The following OSBPL5 variants were observed in gnomAD, a reference collection of about 807,000 sequenced individuals.
OSBPL5 encodes oxysterol binding protein like 5.
In OSBPL5, 71 loss-of-function variants were observed where a neutral mutation model predicts 111.2. The ratio of observed to expected loss-of-function variants is 0.64; its 90% CI spans 0.53 to 0.78. The LOEUF is 0.78. Among genes scored for constraint, OSBPL5 ranks in the 30% least tolerant of loss-of-function variants. The pLI is 0.00. For synonymous variants in OSBPL5, 549 were observed against 513.9 expected (o/e 1.07, Z -0.93); for missense variants, 1,210 against 1,189.3 (o/e 1.02, Z -0.26).
At chr11:3,112,052 T>TGCATGTGTGTATGTGTGC (rs1857988372) in intron 7 of OSBPL5, among the ~76,000 whole-genome samples, 1 of 57,744 alleles carries the variant, frequency 1.7e-5, no homozygotes, top group Non-Finnish European at 4.1e-5. Flanking sequence ...CGCGCATGTG[T>TGCATGTGTGTATGTGTGC]GTGCATGTGT....
At position 3,088,071 on chromosome 11, in the gene OSBPL5, C is replaced by G. The variant is rs1418431790; in HGVS notation, c.*134G>C. ...CCCGCAGCGCCTTGTGGCCCCGGGT[C>G]CCTCCTGCGCCTGGACTCCCCGTCA... On this transcript the variant is annotated 3_prime_UTR_variant, in exon 22 of 22. Coordinates refer to ENST00000263650, the MANE Select transcript of OSBPL5 (RefSeq NM_020896.4). The G allele has an allele frequency of 5.9e-6, 5 of 850,722 alleles. No individual in the cohort carries two copies. The highest frequency in any genetic ancestry group is 3.6e-4 in the Middle Eastern group (1 of 2,748). The allele number at this position is 850,722 out of a possible 1,614,324, so 52.7% of individuals were successfully genotyped here. A position where few individuals can be genotyped will look rare whatever the true frequency, so the allele number is the denominator to read the frequency against.
At position 3,130,992 on chromosome 11, in the gene OSBPL5, C is replaced by T. The variant is rs112350690; in HGVS notation, c.-21-1823G>A. 3.3e-3 allele frequency among the ~76,000 whole-genome samples: 497 copies of T among 152,248 alleles called. 2 individuals carry two copies. Among genetic ancestry groups the T allele is most frequent in the African/African-American group, 0.011 (471 of 41,532 alleles). On this transcript the variant is annotated intron_variant, in intron 1 of 21. Transcript: ENST00000263650. The surrounding 1 kb of genome is among the most constrained non-coding windows in gnomAD (Gnocchi z 4.5). ...GTGAGCAGCGATCCTGCTCTCAGGACCCACAGAGAGCCCCGGAATGTCCCA... is the reference window on the plus strand; with the variant it reads ...GTGAGCAGCGATCCTGCTCTCAGGATCCACAGAGAGCCCCGGAATGTCCCA...
chr11:3,103,745 A>AGCCTCTGCAG lies in OSBPL5; in HGVS notation c.1245-426_1245-425insCTGCAGAGGC, dbSNP rs1564829784. Among the ~76,000 whole-genome samples the AGCCTCTGCAG allele has an allele frequency of 1.8e-4, 9 of 51,350 alleles. No individual in the cohort carries two copies. The East Asian group carries it at 5.2e-3, about 30-fold the overall frequency. 33.7% of individuals were successfully genotyped at this position (51,350 alleles called of 152,430 possible). A position where few individuals can be genotyped will look rare whatever the true frequency, so the allele number is the denominator to read the frequency against. On this transcript the variant is annotated intron_variant, in intron 10 of 21. Transcript: ENST00000263650. Reference sequence around the variant, plus strand: ...TCTGCTGCCCCTTCCTGCCTCTGCAACCCTCTTCCAGCTCTGCAGCCCCCT... The same window carrying AGCCTCTGCAG: ...TCTGCTGCCCCTTCCTGCCTCTGCAAGCCTCTGCAGCCCTCTTCCAGCTCTGCAGCCCCCT...
At chr11:3,103,841 C>T (rs1160959184) in intron 10 of OSBPL5, among the ~76,000 whole-genome samples, 459 of 78,996 alleles carry the variant, frequency 5.8e-3, no homozygotes, top group Middle Eastern at 0.014. Flanking sequence ...CCAGCCTCTG[C>T]AGCCCCTTTC....
intron 3 of OSBPL5, 125 bp from the exon 4 acceptor site, chr11:3,122,553 GCCTGGC>G: frequency 3.8e-6 from 3 of 785,310 alleles, no homozygotes; most frequent in Non-Finnish European, 6.0e-6. Flanking sequence ...CTCGTTTCCC[GCCTGGC>G]ACCCTCCATC....
chr11:3,122,378 G>A lies in OSBPL5; in HGVS notation c.270C>T (p.Thr90=), dbSNP rs149098951. 132 of 1,613,800 alleles carry A rather than the reference G, an allele frequency of 8.2e-5. No individual in the cohort carries two copies. Among genetic ancestry groups the A allele is most frequent in the Middle Eastern group, 5.0e-4 (3 of 6,056 alleles). ...NGSDKECVSP[T]ARVTKKETLK... is the part of the protein sequence containing the mutation. ...GAGTCTCCTTCTTGGTGACCCTGGC[G>A]GTGGGGGACACACATTCCTTGTCTG... Residue 90 remains threonine (T), a synonymous_variant, in exon 4 of 22, where the codon ACC becomes ACT. Transcript: ENST00000263650.
At chr11:3,112,081 GTGTGCA>G (rs1858006158) in intron 7 of OSBPL5, among the ~76,000 whole-genome samples, 1 of 141,222 alleles carries the variant, frequency 7.1e-6, no homozygotes, top group African/African-American at 2.8e-5. Flanking sequence ...GTGCATGTGT[GTGTGCA>G]TGTGTGTGTG....
intron 1 of OSBPL5, among the ~76,000 whole-genome samples, chr11:3,153,477 CTGAAGA>C (rs1352241656): frequency 6.6e-6 from 1 of 152,134 alleles, no homozygotes; most frequent in Admixed American, 6.6e-5. Flanking sequence ...CCCCTCTAGC[CTGAAGA>C]TGTGGCTGCC....
At chr11:3,102,735 GCTT>G (rs1313654297) in intron 11 of OSBPL5, among the ~76,000 whole-genome samples, 1 of 152,164 alleles carries the variant, frequency 6.6e-6, no homozygotes, top group African/African-American at 2.4e-5. Flanking sequence ...TTTCAAACTT[GCTT>G]CCCATGGAAC....
intron 7 of OSBPL5, among the ~76,000 whole-genome samples, chr11:3,117,026 C>T (rs1858236424): frequency 6.6e-6 from 1 of 152,154 alleles, no homozygotes; most frequent in Admixed American, 6.5e-5. Context: ...TTTCTCTCTA[C>T]CTAATTTTTA....
rs556481170 is a variant in OSBPL5 at position 3,104,412 on chromosome 11, G to T, written c.1060-35C>A. 5 of 1,594,362 alleles carry T rather than the reference G, an allele frequency of 3.1e-6. No individual in the cohort carries two copies. In the South Asian group the frequency reaches 5.5e-5, roughly 18 times the overall value. On this transcript the variant is annotated intron_variant, in intron 9 of 21. Coordinates refer to ENST00000263650, the MANE Select transcript of OSBPL5 (RefSeq NM_020896.4). The surrounding 1 kb of genome is among the most constrained non-coding windows in gnomAD (Gnocchi z 5.0). ...ACAGGCTGCAGTCAGGCCCTGCCCG[G>T]AAGAGCCGGGAGGAAGGGGTGGCGG...
chr11:3,097,399 AAAG>A (rs777927764), intron 14 of OSBPL5, among the ~76,000 whole-genome samples: 10 of 152,290 alleles, frequency 6.6e-5, no homozygotes, highest in Non-Finnish European at 1.5e-4. Context: ...CCGGGGTTAA[AAAG>A]AAACCCCAGA....
chr11:3,158,704 C>T (rs574366873), intron 1 of OSBPL5, among the ~76,000 whole-genome samples: 15 of 152,332 alleles, frequency 9.8e-5, no homozygotes, highest in Middle Eastern at 3.4e-3. Context: ...GGAGGAAGGA[C>T]GAGAAAGATT....
In OSBPL5 at chr11:3,113,654, C is replaced by CA. The variant is rs71035486; in HGVS notation, c.692-5710dup. ...GGGAGACTAGAGCAAGACTCCGTCT[C>CA]AAAAAAAAAAAAATTTATATTGGTT... On this transcript the variant is annotated intron_variant, in intron 7 of 21. Coordinates refer to ENST00000263650, the MANE Select transcript of OSBPL5 (RefSeq NM_020896.4). The surrounding 1 kb of genome is among the most constrained non-coding windows in gnomAD (Gnocchi z 4.8). 0.015 allele frequency among the ~76,000 whole-genome samples: 2,176 copies of CA among 146,072 alleles called. 44 individuals are homozygous for CA. The highest frequency in any genetic ancestry group is 0.051 in the African/African-American group (2,016 of 39,552).
intron 1 of OSBPL5, among the ~76,000 whole-genome samples, chr11:3,160,732 C>T (rs1158758666): frequency 1.3e-5 from 2 of 150,210 alleles, no homozygotes; most frequent in African/African-American, 2.4e-5. Context: ...CACATCAATC[C>T]CTCCGCAACG....
At chr11:3,102,374 G>C in intron 11 of OSBPL5, 93 bp from the exon 12 acceptor site, 1 of 1,187,398 alleles carries the variant, frequency 8.4e-7, no homozygotes, top group Non-Finnish European at 1.2e-6. Context: ...GGCAGCGTGG[G>C]TGGGCTACCC....
chr11:3,115,439 A>G (rs906907197), intron 7 of OSBPL5, among the ~76,000 whole-genome samples: 3 of 152,226 alleles, frequency 2.0e-5, no homozygotes, highest in African/African-American at 7.2e-5. Context: ...ACTGACAGCA[A>G]TTAAAGCTTC....
intron 1 of OSBPL5, among the ~76,000 whole-genome samples, chr11:3,132,183 A>G (rs1845832939): frequency 6.6e-6 from 1 of 152,022 alleles, no homozygotes. Context: ...TAATGTCTGA[A>G]ACACTGATAT....
intron 1 of OSBPL5, among the ~76,000 whole-genome samples, chr11:3,158,874 G>C (rs1390214983): frequency 6.6e-6 from 1 of 152,208 alleles, no homozygotes; most frequent in South Asian, 2.1e-4. Context: ...GGGAGCTCTG[G>C]ATGTCCAAGT....
Sources: allele counts gnomAD v4.1 joint callset (sites outside exome capture counted in the v4.1 genomes callset), GRCh38; gene constraint gnomAD v4.1.1; non-coding constraint Gnocchi (gnomAD v3.1); transcripts MANE v1.5; gene names NCBI Gene and HGNC (gene_info 2026-07-23, HGNC 2026-07-21).